MCTP1: variants seen among roughly 807,000 people sequenced by gnomAD.
MCTP1 encodes the protein multiple C2 and transmembrane domain-containing protein 1.
MCTP1 carries 69 observed loss-of-function variants against 120.6 expected under a neutral mutation model. The ratio of observed to expected loss-of-function variants is 0.57; its 90% CI spans 0.47 to 0.70. The LOEUF is 0.70. Ranked by LOEUF, MCTP1 falls within the 30% of genes least tolerant of loss-of-function variation. The pLI is 0.00. For missense variants in MCTP1, 1,203 were observed against 1,248.8 expected, an observed-to-expected ratio of 0.96 and a Z score of 0.55; for synonymous variants, 529 against 493.1, an observed-to-expected ratio of 1.07 and a Z score of -0.96.
chr5:94,768,085 T>A (rs747233729), intron 19 of MCTP1, among the ~76,000 whole-genome samples: 2 of 152,014 alleles, frequency 1.3e-5, no homozygotes, highest in African/African-American at 2.4e-5. Flanking sequence ...AACAGAGAGC[T>A]CAGAAGTATA....
intron 19 of MCTP1, among the ~76,000 whole-genome samples, chr5:94,727,596 T>G (rs957683298): frequency 2.0e-5 from 3 of 152,344 alleles, no homozygotes; most frequent in Admixed American, 2.0e-4. Flanking sequence ...TTTGTTTGTT[T>G]GCTGTAAGTC....
At chr5:95,095,116 C>T (rs1300538730) in intron 1 of MCTP1, among the ~76,000 whole-genome samples, 1 of 136,672 alleles carries the variant, frequency 7.3e-6, no homozygotes, top group African/African-American at 2.7e-5. Flanking sequence ...CTCTGCCTCC[C>T]GGGTTCACGC....
chr5:95,248,843 A>C (rs1368028716), intron 1 of MCTP1, among the ~76,000 whole-genome samples: 1 of 152,202 alleles, frequency 6.6e-6, no homozygotes, highest in Non-Finnish European at 1.5e-5. Flanking sequence ...GGAACAGAAC[A>C]GAGGCCTCAG....
In MCTP1 at chr5:95,119,698, A is replaced by T. The variant is rs536151839; in HGVS notation, c.721-102214T>A. 5.9e-5 allele frequency among the ~76,000 whole-genome samples: 9 copies of T among 152,322 alleles called. No individual in the cohort carries two copies. In the South Asian group the frequency reaches 6.2e-4, roughly 11 times the overall value. The stretch of plus-strand genomic sequence containing the variant: ...AATGAAAAGGGAAACATTGTAACTA[A>T]TACTGCAGAAATTCAAGAATCATTA... On this transcript the variant is annotated intron_variant, in intron 1 of 22. Transcript: ENST00000515393.
At chr5:94,836,823 A>C (rs1220653980) in intron 17 of MCTP1, among the ~76,000 whole-genome samples, 2 of 152,228 alleles carry the variant, frequency 1.3e-5, no homozygotes, top group African/African-American at 4.8e-5. Context: ...GCAGTTTAAA[A>C]ATCATGGACT....
intron 1 of MCTP1, among the ~76,000 whole-genome samples, chr5:95,261,239 A>G (rs1758443502): frequency 6.6e-6 from 1 of 152,202 alleles, no homozygotes; most frequent in African/African-American, 2.4e-5. Context: ...CTGATCCATA[A>G]TAAACACCAA....
intron 13 of MCTP1, 77 bp downstream of exon 13, chr5:94,873,062 A>AT (rs527927840): frequency 5.2e-5 from 45 of 857,344 alleles, no homozygotes; most frequent in South Asian, 8.5e-5. Context: ...AAACACACAC[A>AT]TTTTTTTTAA....
intron 1 of MCTP1, among the ~76,000 whole-genome samples, chr5:95,068,066 G>A (rs6863964): frequency 0.81 from 123,204 of 152,092 alleles, 51,604 homozygotes; most frequent in Non-Finnish European, 0.94. Flanking sequence ...CAACAAGGTC[G>A]TTCTTTTTTG....
chr5:94,954,123 C>A, intron 2 of MCTP1, among the ~76,000 whole-genome samples: 1 of 78,782 alleles, frequency 1.3e-5, no homozygotes. Flanking sequence ...AATATATATA[C>A]AAATATATAT....
intron 2 of MCTP1, among the ~76,000 whole-genome samples, chr5:94,964,077 C>A (rs1825014355): frequency 6.6e-6 from 1 of 152,078 alleles, no homozygotes; most frequent in Non-Finnish European, 1.5e-5. Context: ...GCATCTTTGT[C>A]AAAAATTAAT....
At chr5:95,265,199 C>T (rs1758786455) in intron 1 of MCTP1, among the ~76,000 whole-genome samples, 1 of 152,088 alleles carries the variant, frequency 6.6e-6, no homozygotes, top group Non-Finnish European at 1.5e-5. Context: ...AGGAGTCAGC[C>T]CCAGCAGCAG....
At chr5:94,808,894 T>C (rs1448526789) in intron 17 of MCTP1, among the ~76,000 whole-genome samples, 1 of 152,178 alleles carries the variant, frequency 6.6e-6, no homozygotes, top group Non-Finnish European at 1.5e-5. Context: ...TGAACAAATA[T>C]ACATCAGAAA....
chr5:94,959,539 A>T (rs1823595979), intron 2 of MCTP1, among the ~76,000 whole-genome samples: 1 of 152,040 alleles, frequency 6.6e-6, no homozygotes, highest in Admixed American at 6.5e-5. Flanking sequence ...TCAGCCCAAA[A>T]CTCCTTAAGC....
At chr5:95,199,645 G>A (rs1582506852) in intron 1 of MCTP1, among the ~76,000 whole-genome samples, 1 of 151,280 alleles carries the variant, frequency 6.6e-6, no homozygotes, top group Non-Finnish European at 1.5e-5. Context: ...ATCACTTGAG[G>A]TCAGGGGGTC....
chr5:94,826,696 G>A, intron 17 of MCTP1: 2 of 520,604 alleles, frequency 3.8e-6, no homozygotes, highest in East Asian at 3.8e-5. Context: ...ACACTCCATG[G>A]TTCCAGCTGG....
At chr5:94,902,893 C>G (rs1805879527) in intron 10 of MCTP1, among the ~76,000 whole-genome samples, 1 of 152,172 alleles carries the variant, frequency 6.6e-6, no homozygotes, top group Non-Finnish European at 1.5e-5. Context: ...AAACTACACA[C>G]TATACATACA....
intron 2 of MCTP1, among the ~76,000 whole-genome samples, chr5:94,953,829 A>G (rs1439582627): frequency 2.4e-5 from 1 of 42,164 alleles, no homozygotes; most frequent in African/African-American, 2.4e-4. Flanking sequence ...ATATATATAT[A>G]CATATATATA....
chr5:94,994,390 T>A (rs1832200980), intron 2 of MCTP1, among the ~76,000 whole-genome samples: 1 of 152,144 alleles, frequency 6.6e-6, no homozygotes, highest in Non-Finnish European at 1.5e-5. Context: ...GTTACTAGAG[T>A]GTGATCAAAA....
At chr5:94,770,904 A>G (rs928264909) in intron 19 of MCTP1, among the ~76,000 whole-genome samples, 5 of 152,246 alleles carry the variant, frequency 3.3e-5, no homozygotes, top group Non-Finnish European at 1.5e-5. Flanking sequence ...ATAAAGCCAC[A>G]GCAGATCCCA....
Sources: allele counts gnomAD v4.1 joint callset (sites outside exome capture counted in the v4.1 genomes callset), GRCh38; gene constraint gnomAD v4.1.1; transcripts MANE v1.5; gene names NCBI Gene and HGNC (gene_info 2026-07-23, HGNC 2026-07-21).